Variants in RASGRP1 observed in about 807,000 individuals in gnomAD.
RASGRP1 encodes RAS guanyl-releasing protein 1.
Under a neutral mutation model 95.1 loss-of-function variants are expected in RASGRP1, and 37 were observed. The ratio of observed to expected loss-of-function variants is 0.39; its 90% CI spans 0.30 to 0.51. The LOEUF is 0.51. Ranked by LOEUF, RASGRP1 falls within the 20% of genes least tolerant of loss-of-function variation. The pLI, the probability that RASGRP1 is intolerant of heterozygous loss-of-function variation, is 0.80. For synonymous variants in RASGRP1, 325 were observed against 353.4 expected (o/e 0.92, Z 0.90); for missense variants, 711 against 965.4 (o/e 0.74, Z 3.49).
chr15:38,558,332 A>G (rs1356308649), intron 2 of RASGRP1, among the ~76,000 whole-genome samples: 7 of 152,322 alleles, frequency 4.6e-5, no homozygotes, highest in African/African-American at 1.7e-4. Flanking sequence ...ATAGAAAGCC[A>G]TTCATTCTGC....
chr15:38,500,026 C>T, intron 14 of RASGRP1, 77 bp downstream of exon 14: 1 of 1,436,886 alleles, frequency 7.0e-7, no homozygotes. Flanking sequence ...ATAAATTACC[C>T]AGTCTCAGGC....
At chr15:38,529,178 T>A (rs1892344361) in intron 2 of RASGRP1, among the ~76,000 whole-genome samples, 1 of 152,194 alleles carries the variant, frequency 6.6e-6, no homozygotes, top group African/African-American at 2.4e-5. Flanking sequence ...TCCACTCTTG[T>A]CCACCTACAA....
intron 8 of RASGRP1, among the ~76,000 whole-genome samples, chr15:38,508,309 A>C (rs1891348256): frequency 6.6e-6 from 1 of 152,240 alleles, no homozygotes; most frequent in Non-Finnish European, 1.5e-5. Flanking sequence ...AGGACCTGAT[A>C]CAAAAATTAA....
At chr15:38,533,775 T>G (rs552653978) in intron 2 of RASGRP1, among the ~76,000 whole-genome samples, 1 of 152,216 alleles carries the variant, frequency 6.6e-6, no homozygotes. Flanking sequence ...GAATCCATTA[T>G]GGTTGCCACC....
chr15:38,555,988 C>T (rs1369389695), intron 2 of RASGRP1, among the ~76,000 whole-genome samples: 2 of 152,084 alleles, frequency 1.3e-5, no homozygotes, highest in Non-Finnish European at 2.9e-5. Flanking sequence ...CATTTGAAGC[C>T]TTCCATTTGG....
At chr15:38,494,296 T>C in intron 16 of RASGRP1, 86 bp downstream of exon 16, 1 of 1,522,420 alleles carries the variant, frequency 6.6e-7, no homozygotes, top group Non-Finnish European at 9.0e-7. Context: ...CAGCCTGATC[T>C]GAATCTTCAG....
At chr15:38,537,425 G>A (rs544802800) in intron 2 of RASGRP1, among the ~76,000 whole-genome samples, 79 of 152,224 alleles carry the variant, frequency 5.2e-4, no homozygotes, top group African/African-American at 1.8e-3. Flanking sequence ...GGGAGGAAGT[G>A]CCACACATCT....
chr15:38,501,183 G>A lies in RASGRP1; in HGVS notation c.1643C>T (p.Thr548Ile). 3.1e-6 allele frequency: 5 copies of A among 1,612,530 alleles called. No individual in the cohort carries two copies. Among genetic ancestry groups the A allele is most frequent in the Non-Finnish European group, 3.4e-6 (4 of 1,179,154 alleles). ...LGFPHNFQET[T>I]YLKPTFCDNC... ...GTCACAAAAAGTGGGCTTCAGGTAG[G>A]TGGTCTCTTGGAAGTTGTGAGGAAA... The change falls in exon 13 of 17, where the codon ACC becomes ATC. Residue 548 changes from threonine (T) to isoleucine (I), a missense_variant. Thr to Ile is a moderately conservative substitution (Grantham distance 89). This residue lies in a region of RASGRP1 where 491 missense variants were observed against 676.6 expected (regional missense o/e 0.73). Coordinates refer to ENST00000310803, the MANE Select transcript of RASGRP1 (RefSeq NM_005739.4).
At chr15:38,535,904 G>A (rs1298716109) in intron 2 of RASGRP1, among the ~76,000 whole-genome samples, 1 of 152,182 alleles carries the variant, frequency 6.6e-6, no homozygotes, top group Non-Finnish European at 1.5e-5. Context: ...GAGGGAAGTT[G>A]GTCCTCTTCA....
intron 10 of RASGRP1, 66 bp downstream of exon 10, chr15:38,505,774 G>C (rs1170962872): frequency 2.4e-6 from 3 of 1,264,442 alleles, no homozygotes; most frequent in African/African-American, 2.9e-5. Flanking sequence ...TCCTGAGGAT[G>C]AATGAACTCG....
intron 8 of RASGRP1, among the ~76,000 whole-genome samples, chr15:38,510,807 A>T (rs1008783231): frequency 5.3e-5 from 8 of 152,154 alleles, no homozygotes; most frequent in Non-Finnish European, 1.2e-4. Context: ...CAAAAATTTT[A>T]AAAAATAGCT....
intron 2 of RASGRP1, among the ~76,000 whole-genome samples, chr15:38,533,996 C>T (rs754722153): frequency 2.6e-5 from 4 of 152,346 alleles, no homozygotes; most frequent in South Asian, 2.1e-4. Flanking sequence ...AGCATGCACC[C>T]ACAGCAGCTG....
rs547559625 is a variant in RASGRP1 at position 38,500,628 on chromosome 15, G to A, written c.1684-489C>T. ...CCCAAAGTGCTGGGATTACAGGCAT[G>A]AGCCACCACACCTGGCTCTCACTAG... On this transcript the variant is annotated intron_variant, in intron 13 of 16. Coordinates refer to ENST00000310803, the MANE Select transcript of RASGRP1 (RefSeq NM_005739.4). 2.6e-5 allele frequency among the ~76,000 whole-genome samples: 4 copies of A among 152,308 alleles called. No homozygotes were observed. In the South Asian group the frequency reaches 8.3e-4, roughly 32 times the overall value.
intron 2 of RASGRP1, chr15:38,534,410 G>A (rs1892558287): frequency 6.6e-6 from 1 of 152,138 alleles, no homozygotes; most frequent in Admixed American, 6.5e-5. Flanking sequence ...CATATAGTTA[G>A]ACTAGTGTCT....
chr15:38,519,093 C>T (rs957423578), intron 4 of RASGRP1, among the ~76,000 whole-genome samples: 8 of 152,198 alleles, frequency 5.3e-5, no homozygotes, highest in African/African-American at 1.7e-4. Flanking sequence ...TCTGTATTCC[C>T]TCCTTCATGT....
At chr15:38,501,644 A>C (rs1322588493) in intron 12 of RASGRP1, among the ~76,000 whole-genome samples, 1 of 152,214 alleles carries the variant, frequency 6.6e-6, no homozygotes, top group Admixed American at 6.5e-5. Flanking sequence ...ACAGTACCTA[A>C]CTGGAACCCA....
chr15:38,506,832 G>C (rs1891280122), intron 9 of RASGRP1, among the ~76,000 whole-genome samples: 1 of 152,072 alleles, frequency 6.6e-6, no homozygotes, highest in Admixed American at 6.5e-5. Context: ...AAGGTTCACA[G>C]CTTTCATCAC....
At chr15:38,559,701 G>A (rs1020765752) in intron 2 of RASGRP1, 120 bp downstream of exon 2, 5 of 1,073,772 alleles carry the variant, frequency 4.7e-6, no homozygotes, top group Non-Finnish European at 6.6e-6. Context: ...ACATTTCAAA[G>A]GCTCAAAAGC....
intron 2 of RASGRP1, among the ~76,000 whole-genome samples, chr15:38,550,024 G>A (rs772269547): frequency 3.9e-5 from 6 of 151,904 alleles, no homozygotes; most frequent in Non-Finnish European, 8.8e-5. Flanking sequence ...TTGAGAGGAC[G>A]AGGCAGGTGG....
Sources: allele counts gnomAD v4.1 joint callset (sites outside exome capture counted in the v4.1 genomes callset), GRCh38; gene constraint gnomAD v4.1.1; regional missense constraint gnomAD v4.1.1; transcripts MANE v1.5; gene names NCBI Gene and HGNC (gene_info 2026-07-23, HGNC 2026-07-21).